Variants in DSP observed in about 807,000 individuals in gnomAD.
DSP encodes the protein desmoplakin.
A neutral mutation model predicts 290.6 loss-of-function variants in DSP; 114 were observed. The observed-to-expected ratio is 0.39, with a 90% CI of 0.34 to 0.46. The LOEUF (loss-of-function observed/expected upper bound fraction) is 0.46, where lower values mean the gene tolerates loss of function less well. Among genes scored for constraint, DSP ranks in the 20% least tolerant of loss-of-function variants. DSP has a pLI of 0.99. For synonymous variants in DSP, 1,311 were observed against 1,316.4 expected, an observed-to-expected ratio of 1.00 and a Z score of 0.09; for missense variants, 3,230 against 3,495.8, an observed-to-expected ratio of 0.92 and a Z score of 1.92.
intron 18 of DSP, 100 bp downstream of exon 18, chr6:7,575,588 T>C (rs1581810880): frequency 6.9e-7 from 1 of 1,440,334 alleles, no homozygotes; most frequent in East Asian, 2.4e-5. Context: ...ACAGAGGTTT[T>C]GTTTTTTGTG....
chr6:7,542,458 C>T (rs1758024971), intron 1 of DSP, among the ~76,000 whole-genome samples: 1 of 152,282 alleles, frequency 6.6e-6, no homozygotes, highest in South Asian at 2.1e-4. Flanking sequence ...CAAAACCCAA[C>T]CTCTCCAACC....
chr6:7,584,548 T>C lies in DSP; in HGVS notation c.7286T>C (p.Leu2429Pro). ...GAAGAAAATCTTACCTATCTGCAAC[T>C]AAAAGAAAGATGCATTAAGGATGAG... ...NTEENLTYLQLKERCIKDEET... is the reference protein window; with the variant it reads ...NTEENLTYLQPKERCIKDEET... Residue 2429 changes from leucine (L) to proline (P), a missense_variant, in exon 24 of 24, where the codon CTA becomes CCA. This residue lies in a region of DSP where 207 missense variants were observed against 281.2 expected (regional missense o/e 0.74). Coordinates refer to ENST00000379802, the MANE Select transcript of DSP (RefSeq NM_004415.4). This position sits in a 1 kb window ranked among gnomAD's most constrained non-coding sequence, Gnocchi z 6.4. 1.2e-6 allele frequency: 2 copies of C among 1,614,044 alleles called. No individual in the cohort carries two copies. The highest frequency in any genetic ancestry group is 1.7e-6 in the Non-Finnish European group (2 of 1,179,968).
intron 1 of DSP, among the ~76,000 whole-genome samples, chr6:7,547,601 A>ATT (rs61417378): frequency 1.4e-5 from 2 of 145,244 alleles, no homozygotes; most frequent in Admixed American, 6.9e-5. Flanking sequence ...ACTAATTAAA[A>ATT]TTTTTTTTTT....
chr6:7,585,178 G>T lies in DSP; in HGVS notation c.7916G>T (p.Arg2639Leu). ...EKISITEGIE[R>L]GIVDSITGQR... ...ATCTCCATTACAGAAGGTATAGAGC[G>T]GGGCATCGTTGACAGCATCACGGGT... Residue 2639 changes from arginine to leucine, a missense_variant, in exon 24 of 24, where the codon CGG (arginine) becomes CTG (leucine). Physicochemically the swap from Arg to Leu is moderately radical, Grantham distance 102. Coordinates refer to ENST00000379802, the MANE Select transcript of DSP (RefSeq NM_004415.4). The T allele has an allele frequency of 6.2e-7, 1 of 1,614,138 alleles. No individual in the cohort carries two copies. Among genetic ancestry groups the T allele is most frequent in the Non-Finnish European group, 8.5e-7 (1 of 1,180,024 alleles).
At chr6:7,543,929 C>T (rs1047081319) in intron 1 of DSP, among the ~76,000 whole-genome samples, 1 of 152,178 alleles carries the variant, frequency 6.6e-6, no homozygotes, top group Non-Finnish European at 1.5e-5. Context: ...TAATTTTGGG[C>T]AGGCTCCATG....
At chr6:7,566,986 G>A (rs1025630949) in intron 8 of DSP, among the ~76,000 whole-genome samples, 8 of 152,144 alleles carry the variant, frequency 5.3e-5, no homozygotes, top group Non-Finnish European at 7.3e-5. Context: ...TTGCTTGGAT[G>A]CCTCGAACCT....
At chr6:7,549,229 A>AACCTCC (rs1474286774) in intron 1 of DSP, among the ~76,000 whole-genome samples, 1 of 151,896 alleles carries the variant, frequency 6.6e-6, no homozygotes, top group Non-Finnish European at 1.5e-5. Context: ...GGCTCACTGC[A>AACCTCC]ACCTCCACCT....
intron 2 of DSP, 63 bp downstream of exon 2, chr6:7,555,883 T>G (rs1581791157): frequency 6.7e-7 from 1 of 1,493,130 alleles, no homozygotes; most frequent in East Asian, 2.4e-5. Context: ...TGTCCTCTGG[T>G]TAGCTTCTGC....
At position 7,584,931 on chromosome 6, in the gene DSP, T is replaced by G; in HGVS notation, c.7669T>G (p.Phe2557Val). The G allele has an allele frequency of 6.2e-7, 1 of 1,614,184 alleles. No individual in the cohort carries two copies. The highest frequency in any genetic ancestry group is 8.5e-7 in the Non-Finnish European group (1 of 1,180,028). ...YRSGSLSLTQ[F>V]ADMISLKNGV... ...ATCCGGCAGCCTCAGCCTCACTCAATTTGCTGACATGATCTCCTTGAAAAA... is the reference window on the plus strand; with the variant it reads ...ATCCGGCAGCCTCAGCCTCACTCAAGTTGCTGACATGATCTCCTTGAAAAA... Residue 2557 changes from phenylalanine to valine, a missense_variant, in exon 24 of 24, where the codon TTT (phenylalanine) becomes GTT (valine). Phe to Val is a conservative substitution (Grantham distance 50, BLOSUM62 -1). Coordinates refer to ENST00000379802, the MANE Select transcript of DSP (RefSeq NM_004415.4). The surrounding 1 kb of genome is among the most constrained non-coding windows in gnomAD (Gnocchi z 6.4).
In DSP at chr6:7,542,179, G is replaced by T. The variant is rs999874355; in HGVS notation, c.170+94G>T. The T allele has an allele frequency of 1.5e-5, 23 of 1,503,594 alleles. No homozygotes were observed. In the East Asian group the frequency reaches 5.7e-4, roughly 37 times the overall value. 93.1% of individuals were successfully genotyped at this position (1,503,594 alleles called of 1,614,324 possible). On this transcript the variant is annotated intron_variant, in intron 1 of 23. Coordinates refer to ENST00000379802, the MANE Select transcript of DSP (RefSeq NM_004415.4). Reference sequence around the variant, plus strand: ...CGACTGGGAGACTCGGGTCCCGAAGGTGGAAAGGTTTTTTTGCCCCAGGTC... The same window carrying T: ...CGACTGGGAGACTCGGGTCCCGAAGTTGGAAAGGTTTTTTTGCCCCAGGTC...
At position 7,565,578 on chromosome 6, in the gene DSP, T is replaced by A; in HGVS notation, c.939+58T>A. The A allele has an allele frequency of 1.9e-6, 3 of 1,604,224 alleles. No individual in the cohort carries two copies. The South Asian group carries it at 3.3e-5, about 18-fold the overall frequency. ...TCTTGAGCCTGTTGCCTTGAAGAGC[T>A]GGGGTCTCGGGGAATGATTGGTCTA... On this transcript the variant is annotated intron_variant, in intron 7 of 23. Coordinates refer to ENST00000379802, the MANE Select transcript of DSP (RefSeq NM_004415.4). This position sits in a 1 kb window ranked among gnomAD's most constrained non-coding sequence, Gnocchi z 4.2.
rs1350722798 is a variant in DSP, at chr6:7,582,134, G to A, written c.5380-508G>A. On this transcript the variant is annotated intron_variant, in intron 23 of 23. Transcript: ENST00000379802. This position sits in a 1 kb window ranked among gnomAD's most constrained non-coding sequence, Gnocchi z 4.2. ...CTACAGACAATATTTGTGTGTGGCT[G>A]GGTTGGTGTGTGTGTGTGTGTGTGT... 2.6e-5 allele frequency among the ~76,000 whole-genome samples: 3 copies of A among 113,552 alleles called. No homozygotes were observed. Among genetic ancestry groups the A allele is most frequent in the Non-Finnish European group, 5.2e-5 (3 of 57,192 alleles). The allele number at this position is 113,552 out of a possible 152,430, so 74.5% of individuals were successfully genotyped here.
Position 7,579,131 on chromosome 6 carries a change from T to C in DSP, c.3085-144T>C. 2 of 1,123,410 alleles carry C rather than the reference T, an allele frequency of 1.8e-6. No individual in the cohort carries two copies. The highest frequency in any genetic ancestry group is 2.5e-6 in the Non-Finnish European group (2 of 791,518). The allele number at this position is 1,123,410 out of a possible 1,614,324, so 69.6% of individuals were successfully genotyped here. A position where few individuals can be genotyped will look rare whatever the true frequency, so the allele number is the denominator to read the frequency against. ...GATGAGAATCCAGATTTCTTGAATA[T>C]TTGCCTAGTCACTCTTTGCATGTAT... On this transcript the variant is annotated intron_variant, in intron 22 of 23. Coordinates refer to ENST00000379802, the MANE Select transcript of DSP (RefSeq NM_004415.4). This position sits in a 1 kb window ranked among gnomAD's most constrained non-coding sequence, Gnocchi z 4.1.
At position 7,584,448 on chromosome 6, in the gene DSP, T is replaced by A. The variant is rs863225268; in HGVS notation, c.7186T>A (p.Tyr2396Asn). The change falls in exon 24 of 24, where the codon TAT becomes AAT. Residue 2396 changes from tyrosine to asparagine, a missense_variant. Tyr to Asn is a moderately radical substitution (Grantham distance 143). Transcript: ENST00000379802. This position sits in a 1 kb window ranked among gnomAD's most constrained non-coding sequence, Gnocchi z 6.4. ...LPVDIAYKRG[Y>N]FNEELSEILS... ...AGTTGACATAGCATATAAGAGGGGC[T>A]ATTTCAATGAGGAACTCAGTGAGAT... 3 of 1,614,170 alleles carry A rather than the reference T, an allele frequency of 1.9e-6. No homozygotes were observed. The highest frequency in any genetic ancestry group is 2.5e-6 in the Non-Finnish European group (3 of 1,180,030).
intron 15 of DSP, among the ~76,000 whole-genome samples, chr6:7,572,283 G>A (rs999271514): frequency 6.6e-6 from 1 of 152,168 alleles, no homozygotes; most frequent in African/African-American, 2.4e-5. Flanking sequence ...TGTTGAATCA[G>A]GCTACCGTCC....
rs777066674 is a variant in DSP, at chr6:7,585,085, C to G, written c.7823C>G (p.Ser2608Cys). ...AGGAATTTAACCATAAGGAGCAGCT[C>G]TTTTTCAGACACCCTGGAAGAATCG... ...SVRNLTIRSS[S>C]FSDTLEESSP... The change falls in exon 24 of 24, where the codon TCT becomes TGT. Residue 2608 changes from serine (S) to cysteine (C), a missense_variant. By Grantham distance (112) the Ser-to-Cys change is moderately radical. Transcript: ENST00000379802. 1 of 1,614,202 alleles carries G rather than the reference C, an allele frequency of 6.2e-7. No individual in the cohort carries two copies. Among genetic ancestry groups the G allele is most frequent in the African/African-American group, 1.3e-5 (1 of 75,056 alleles).
intron 2 of DSP, among the ~76,000 whole-genome samples, chr6:7,556,411 T>C (rs1758507471): frequency 6.6e-6 from 1 of 152,160 alleles, no homozygotes; most frequent in Non-Finnish European, 1.5e-5. Flanking sequence ...CTGTGTGAAG[T>C]CTTCATTTTA....
At chr6:7,563,857 A>T (rs988988925) in intron 6 of DSP, 71 bp downstream of exon 6, 17 of 1,412,496 alleles carry the variant, frequency 1.2e-5, no homozygotes, top group Admixed American at 1.2e-4. Flanking sequence ...AAGAAATATC[A>T]AGCACATCCT....
chr6:7,584,065 C>A lies in DSP; in HGVS notation c.6803C>A (p.Thr2268Lys). 1 of 1,614,182 alleles carries A rather than the reference C, an allele frequency of 6.2e-7. No homozygotes were observed. The highest frequency in any genetic ancestry group is 8.5e-7 in the Non-Finnish European group (1 of 1,180,044). ...ATAGCAGGCATATACAATGAGACCA[C>A]AAAACAGAAGCTTGGCATTTATGAG... is the stretch of plus-strand genomic sequence containing the variant. Reference protein sequence around the residue: ...SCIAGIYNETTKQKLGIYEAM... With the variant: ...SCIAGIYNETKKQKLGIYEAM... The change falls in exon 24 of 24, where the codon ACA (threonine) becomes AAA (lysine). Residue 2268 changes from threonine (T) to lysine (K), a missense_variant. Thr to Lys is a moderately conservative substitution (Grantham distance 78, BLOSUM62 -1). Around this residue, in one of 5 missense-constraint regions of DSP, gnomAD observed 207 missense variants for 281.2 expected, o/e 0.74. Coordinates refer to ENST00000379802, the MANE Select transcript of DSP (RefSeq NM_004415.4). This position sits in a 1 kb window ranked among gnomAD's most constrained non-coding sequence, Gnocchi z 6.4.
Sources: allele counts gnomAD v4.1 joint callset (sites outside exome capture counted in the v4.1 genomes callset), GRCh38; gene constraint gnomAD v4.1.1; regional missense constraint gnomAD v4.1.1; non-coding constraint Gnocchi (gnomAD v3.1); transcripts MANE v1.5; gene names NCBI Gene and HGNC (gene_info 2026-07-23, HGNC 2026-07-21).